The following ANKRD11 variants were observed in gnomAD, a reference collection of about 807,000 sequenced individuals.
The protein encoded by ANKRD11 is ankyrin repeat domain-containing protein 11.
In ANKRD11, 17 loss-of-function variants were observed where a neutral mutation model predicts 195.7. That is an observed-to-expected ratio of 0.09 (90% CI 0.06 to 0.13). ANKRD11 has a LOEUF of 0.13. Among genes scored for constraint, ANKRD11 ranks in the 10% least tolerant of loss-of-function variants. The pLI is 1.00. For missense variants in ANKRD11, 3,735 were observed against 3,566.1 expected (o/e 1.05, Z -1.21); for synonymous variants, 1,953 against 1,528.1 (o/e 1.28, Z -6.49).
At chr16:89,327,252 T>C (rs1026073074) in intron 2 of ANKRD11, among the ~76,000 whole-genome samples, 2 of 152,104 alleles carry the variant, frequency 1.3e-5, no homozygotes, top group African/African-American at 4.8e-5. Context: ...AGAAAATCAT[T>C]TGATAAAATT....
chr16:89,343,332 A>G (rs2038784069), intron 2 of ANKRD11, among the ~76,000 whole-genome samples: 1 of 152,220 alleles, frequency 6.6e-6, no homozygotes, highest in African/African-American at 2.4e-5. Context: ...TGTTCCCAAA[A>G]ACAGAAAAAT....
At chr16:89,414,846 A>G (rs900297058) in intron 2 of ANKRD11, among the ~76,000 whole-genome samples, 1 of 152,220 alleles carries the variant, frequency 6.6e-6, no homozygotes, top group Admixed American at 6.5e-5. Flanking sequence ...GCGACTGTGG[A>G]TCTCATCTCA....
intron 2 of ANKRD11, chr16:89,360,554 T>C (rs892223201): frequency 6.6e-6 from 1 of 152,210 alleles, no homozygotes; most frequent in Non-Finnish European, 1.5e-5. Flanking sequence ...GTGGTTCCAA[T>C]ATTTACTTTC....
intron 1 of ANKRD11, among the ~76,000 whole-genome samples, chr16:89,473,226 T>A (rs147278096): frequency 8.1e-5 from 12 of 147,764 alleles, no homozygotes; most frequent in African/African-American, 3.0e-4. Context: ...GAAGGATGAG[T>A]AGGCATCAGT....
chr16:89,460,610 G>C (rs566741489), intron 1 of ANKRD11, among the ~76,000 whole-genome samples: 2 of 152,116 alleles, frequency 1.3e-5, no homozygotes, highest in African/African-American at 4.8e-5. Flanking sequence ...AGCAGCTCAC[G>C]CATGTAATCT....
intron 1 of ANKRD11, among the ~76,000 whole-genome samples, chr16:89,428,846 A>T (rs1481926734): frequency 6.6e-6 from 1 of 152,220 alleles, no homozygotes; most frequent in Admixed American, 6.5e-5. Context: ...GTAAGCCAAG[A>T]TCGTGCCAAT....
chr16:89,330,114 T>C (rs2037970310), intron 2 of ANKRD11, among the ~76,000 whole-genome samples: 1 of 152,180 alleles, frequency 6.6e-6, no homozygotes, highest in African/African-American at 2.4e-5. Context: ...TATACTTGAA[T>C]GACATTAAAC....
intron 2 of ANKRD11, among the ~76,000 whole-genome samples, chr16:89,332,212 A>G (rs146677006): frequency 0.011 from 1,725 of 152,324 alleles, 35 homozygotes; most frequent in African/African-American, 0.039. Context: ...CGTATTAAAG[A>G]ATCCTCACAA....
chr16:89,487,156 A>G (rs2057645397), intron 1 of ANKRD11, among the ~76,000 whole-genome samples: 1 of 152,242 alleles, frequency 6.6e-6, no homozygotes, highest in South Asian at 2.1e-4. Context: ...CCCACAGAGC[A>G]CTGACTACAC....
intron 2 of ANKRD11, among the ~76,000 whole-genome samples, chr16:89,355,259 G>C (rs773811524): frequency 4.0e-5 from 6 of 150,732 alleles, no homozygotes; most frequent in Admixed American, 3.3e-4. Context: ...CCTGAGGCTC[G>C]GAAGGCGGGC....
chr16:89,336,398 C>T (rs1164426031), intron 2 of ANKRD11, among the ~76,000 whole-genome samples: 1 of 152,224 alleles, frequency 6.6e-6, no homozygotes, highest in African/African-American at 2.4e-5. Flanking sequence ...ATTCAAAGAC[C>T]CAGGAAGGAA....
intron 2 of ANKRD11, among the ~76,000 whole-genome samples, chr16:89,317,938 C>T (rs1277761248): frequency 2.6e-5 from 4 of 152,106 alleles, no homozygotes; most frequent in Non-Finnish European, 2.9e-5. Context: ...CTGAAACCAG[C>T]GCAGAGCCAG....
intron 2 of ANKRD11, among the ~76,000 whole-genome samples, chr16:89,340,689 A>G (rs535306542): frequency 8.5e-5 from 13 of 152,372 alleles, no homozygotes; most frequent in African/African-American, 2.6e-4. Flanking sequence ...TATAATTAAC[A>G]AATTTCATTT....
chr16:89,355,690 C>A (rs888402303), intron 2 of ANKRD11, among the ~76,000 whole-genome samples: 2 of 152,144 alleles, frequency 1.3e-5, no homozygotes, highest in Non-Finnish European at 2.9e-5. Context: ...CAAGAAAAAA[C>A]CCAAAGATGC....
chr16:89,316,846 A>C (rs1043271301), intron 3 of ANKRD11, 87 bp downstream of exon 3: 8 of 1,493,094 alleles, frequency 5.4e-6, no homozygotes, highest in African/African-American at 4.2e-5. Context: ...AGGGCGGAGA[A>C]CAGGCCACAG....
intron 4 of ANKRD11, among the ~76,000 whole-genome samples, chr16:89,302,280 G>A (rs1485340537): frequency 1.3e-5 from 2 of 152,172 alleles, no homozygotes; most frequent in African/African-American, 4.8e-5. Context: ...TAGAGACGGA[G>A]TCTTGCTCTG....
rs1162197154 is a variant in ANKRD11 at position 89,291,956 on chromosome 16, G to GA, written c.227-774dup. 6.6e-6 allele frequency among the ~76,000 whole-genome samples: 1 copy of GA among 152,210 alleles called. No homozygotes were observed. Among genetic ancestry groups the GA allele is most frequent in the Non-Finnish European group, 1.5e-5 (1 of 68,040 alleles). On this transcript the variant is annotated intron_variant, in intron 4 of 12. Coordinates refer to ENST00000301030, the MANE Select transcript of ANKRD11 (RefSeq NM_013275.6). This position sits in a 1 kb window ranked among gnomAD's most constrained non-coding sequence, Gnocchi z 5.3. ...AAAAGAGGCAGGAGGCAGGGGCGGG[G>GA]AAGAGAAGACCCCAAGCACCAAGAG...
At position 89,286,096 on chromosome 16, in the gene ANKRD11, T is replaced by C; in HGVS notation, c.835A>G (p.Met279Val). 6.2e-7 allele frequency: 1 copy of C among 1,614,198 alleles called. No homozygotes were observed. Among genetic ancestry groups the C allele is most frequent in the Non-Finnish European group, 8.5e-7 (1 of 1,180,024 alleles). The change falls in exon 8 of 13, where the codon ATG (methionine) becomes GTG (valine). Residue 279 changes from methionine to valine, a missense_variant. Met to Val is a conservative substitution (Grantham distance 21). Coordinates refer to ENST00000301030, the MANE Select transcript of ANKRD11 (RefSeq NM_013275.6). ...CCTTTGCCTAACAGGAGGTTCACCA[T>C]CGTGGGGGAGTTGGCCACTTTCAGC... ...TPLKVANSPT[M>V]VNLLLGKGTY... is the part of the protein sequence containing the mutation.
intron 1 of ANKRD11, among the ~76,000 whole-genome samples, chr16:89,432,481 C>T (rs2043024586): frequency 6.6e-6 from 1 of 152,108 alleles, no homozygotes; most frequent in South Asian, 2.1e-4. Context: ...CAAACACCTT[C>T]CAGTTTAGGA....
Sources: allele counts gnomAD v4.1 joint callset (sites outside exome capture counted in the v4.1 genomes callset), GRCh38; gene constraint gnomAD v4.1.1; non-coding constraint Gnocchi (gnomAD v3.1); transcripts MANE v1.5; gene names NCBI Gene and HGNC (gene_info 2026-07-23, HGNC 2026-07-21).